Variants in NUDCD1 observed in about 807,000 individuals in gnomAD.
NUDCD1 encodes NudC domain containing 1.
A neutral mutation model predicts 67.8 loss-of-function variants in NUDCD1; 60 were observed. That is an observed-to-expected ratio of 0.88 (90% confidence interval 0.72 to 1.10). NUDCD1 has a LOEUF of 1.10. NUDCD1 is among the 50% of genes least tolerant of loss of function. The pLI is 0.00. For synonymous variants in NUDCD1, 244 were observed against 230.8 expected (o/e 1.06, Z -0.52); for missense variants, 643 against 695.0 (o/e 0.93, Z 0.84).
At chr8:109,243,898 G>A (rs1563655793) in intron 9 of NUDCD1, among the ~76,000 whole-genome samples, 1 of 152,008 alleles carries the variant, frequency 6.6e-6, no homozygotes, top group Non-Finnish European at 1.5e-5. Context: ...CAAGTAGAAT[G>A]TTGATCACTA....
intron 1 of NUDCD1, among the ~76,000 whole-genome samples, 157 bp downstream of exon 1, chr8:109,333,736 G>A (rs1314620577): frequency 1.3e-5 from 2 of 152,236 alleles, no homozygotes; most frequent in Non-Finnish European, 2.9e-5. Context: ...TCTGGGATGG[G>A]CATCATTCCC....
chr8:109,298,212 T>C (rs531147621), intron 2 of NUDCD1, among the ~76,000 whole-genome samples: 5 of 152,322 alleles, frequency 3.3e-5, no homozygotes, highest in South Asian at 4.1e-4. Context: ...AACAGAATCA[T>C]ACCAGCATAG....
At chr8:109,277,603 A>G (rs1041062965) in intron 6 of NUDCD1, among the ~76,000 whole-genome samples, 9 of 152,244 alleles carry the variant, frequency 5.9e-5, no homozygotes, top group Non-Finnish European at 4.4e-5. Flanking sequence ...GTGTTTTTAA[A>G]ACAACAATAC....
chr8:109,281,495 AAC>A (rs150164647), intron 5 of NUDCD1, among the ~76,000 whole-genome samples: 4 of 151,362 alleles, frequency 2.6e-5, no homozygotes, highest in Admixed American at 6.6e-5. Context: ...CCTTTAAACA[AAC>A]ACACACACAC....
intron 2 of NUDCD1, chr8:109,298,455 C>T (rs907052140): frequency 2.0e-5 from 3 of 152,202 alleles, no homozygotes; most frequent in Admixed American, 6.5e-5. Context: ...CAGAGAACTT[C>T]TGGGAAAAAA....
chr8:109,320,759 A>G (rs773811455), intron 2 of NUDCD1, among the ~76,000 whole-genome samples: 1 of 152,230 alleles, frequency 6.6e-6, no homozygotes, highest in Non-Finnish European at 1.5e-5. Context: ...TTACAAAAGT[A>G]TTAATTTGGG....
chr8:109,291,034 G>A (rs1203213578), intron 4 of NUDCD1, among the ~76,000 whole-genome samples: 1 of 152,148 alleles, frequency 6.6e-6, no homozygotes, highest in Non-Finnish European at 1.5e-5. Flanking sequence ...TCCAAACACC[G>A]ACATCACATA....
At chr8:109,245,176 T>C (rs956830854) in intron 9 of NUDCD1, 146 bp downstream of exon 9, 4 of 711,200 alleles carry the variant, frequency 5.6e-6, no homozygotes, top group African/African-American at 1.8e-5. Context: ...CACTCACAAC[T>C]AGTACAAGCA....
At chr8:109,291,305 G>A (rs1246730592) in intron 4 of NUDCD1, among the ~76,000 whole-genome samples, 1 of 152,108 alleles carries the variant, frequency 6.6e-6, no homozygotes, top group Non-Finnish European at 1.5e-5. Context: ...ACCATGCCGA[G>A]CTAATGTTTC....
intron 8 of NUDCD1, among the ~76,000 whole-genome samples, chr8:109,261,611 T>C (rs1434068369): frequency 6.6e-6 from 1 of 151,690 alleles, no homozygotes; most frequent in Non-Finnish European, 1.5e-5. Flanking sequence ...GACTGCTTTC[T>C]TGGGCAAGAG....
chr8:109,296,112 T>G (rs926568097), intron 3 of NUDCD1, among the ~76,000 whole-genome samples: 1 of 152,172 alleles, frequency 6.6e-6, no homozygotes, highest in African/African-American at 2.4e-5. Context: ...CAATGCTTAA[T>G]GAAGTACTCT....
chr8:109,329,660 T>C, intron 1 of NUDCD1: 1 of 672,100 alleles, frequency 1.5e-6, no homozygotes, highest in Non-Finnish European at 2.4e-6. Flanking sequence ...ATAGCTAAGT[T>C]TAGTATCTTG....
chr8:109,326,835 G>A (rs1815692226), intron 1 of NUDCD1, among the ~76,000 whole-genome samples: 1 of 152,104 alleles, frequency 6.6e-6, no homozygotes, highest in South Asian at 2.1e-4. Context: ...AGACATTGTG[G>A]TTGGCATTGG....
At chr8:109,261,421 TG>T (rs1813861503) in intron 8 of NUDCD1, among the ~76,000 whole-genome samples, 1 of 152,070 alleles carries the variant, frequency 6.6e-6, no homozygotes, top group South Asian at 2.1e-4. Flanking sequence ...CAACTATACA[TG>T]ACAATGTGGT....
chr8:109,316,710 C>T (rs139352169), intron 2 of NUDCD1, among the ~76,000 whole-genome samples: 1 of 152,170 alleles, frequency 6.6e-6, no homozygotes, highest in Admixed American at 6.5e-5. Flanking sequence ...TCTTCTGTAT[C>T]CCAGGTACAA....
At chr8:109,304,531 C>T (rs1266374804) in intron 2 of NUDCD1, among the ~76,000 whole-genome samples, 3 of 152,206 alleles carry the variant, frequency 2.0e-5, no homozygotes, top group Non-Finnish European at 2.9e-5. Flanking sequence ...TGCCTTAACT[C>T]GGGCCCTCAC....
At chr8:109,330,979 C>T (rs1815791714) in intron 1 of NUDCD1, among the ~76,000 whole-genome samples, 1 of 152,060 alleles carries the variant, frequency 6.6e-6, no homozygotes, top group Non-Finnish European at 1.5e-5. Context: ...GTGCAGCAAA[C>T]CACCATGGCA....
intron 8 of NUDCD1, among the ~76,000 whole-genome samples, chr8:109,259,144 C>T (rs528916304): frequency 6.6e-6 from 1 of 152,264 alleles, no homozygotes; most frequent in South Asian, 2.1e-4. Context: ...GCAAATAACG[C>T]AAATAACCTA....
At chr8:109,255,498 T>C (rs1466052290) in intron 8 of NUDCD1, among the ~76,000 whole-genome samples, 2 of 152,108 alleles carry the variant, frequency 1.3e-5, no homozygotes. Flanking sequence ...CACATAACTA[T>C]TACTTAGAAA....
Sources: gnomAD v4.1 joint callset for allele counts (sites outside exome capture counted in the v4.1 genomes callset) on GRCh38, gnomAD v4.1.1 for gene constraint, MANE v1.5 for transcripts, NCBI Gene and HGNC (gene_info 2026-07-23, HGNC 2026-07-21) for gene names.